Variants in CEP112 observed in about 807,000 individuals in gnomAD.
CEP112 encodes centrosomal protein 112, also known as centrosomal protein of 112 kDa.
CEP112 carries 127 observed loss-of-function variants against 153.0 expected under a neutral mutation model. The observed-to-expected ratio is 0.83, with a 90% CI of 0.72 to 0.96. The LOEUF (loss-of-function observed/expected upper bound fraction) is 0.96. Ranked by LOEUF, CEP112 falls within the 40% of genes least tolerant of loss-of-function variation. CEP112 has a pLI of 0.00. For missense variants in CEP112, 1,089 were observed against 1,101.2 expected (o/e 0.99, Z 0.16); for synonymous variants, 358 against 374.4 (o/e 0.96, Z 0.51).
intron 21 of CEP112, among the ~76,000 whole-genome samples, chr17:65,812,159 A>G (rs1319380598): frequency 6.6e-6 from 1 of 151,826 alleles, no homozygotes; most frequent in African/African-American, 2.4e-5. Context: ...GCCCGCCACC[A>G]CGCCTGGATA....
intron 22 of CEP112, among the ~76,000 whole-genome samples, chr17:65,747,684 G>T (rs1371483101): frequency 1.3e-5 from 2 of 152,136 alleles, no homozygotes; most frequent in African/African-American, 4.8e-5. Context: ...TGATGGAAAT[G>T]ATATTTGGGG....
At chr17:66,002,568 G>A (rs1333333473) in intron 17 of CEP112, among the ~76,000 whole-genome samples, 1 of 152,098 alleles carries the variant, frequency 6.6e-6, no homozygotes, top group Non-Finnish European at 1.5e-5. Context: ...CAAAATCCCA[G>A]GATAATTTAT....
intron 23 of CEP112, among the ~76,000 whole-genome samples, chr17:65,716,314 G>A (rs953526513): frequency 3.3e-5 from 5 of 152,050 alleles, no homozygotes; most frequent in Non-Finnish European, 4.4e-5. Flanking sequence ...CCGCCACCAT[G>A]CCAGGCTAAT....
chr17:65,911,826 AT>A (rs1392667946), intron 19 of CEP112, among the ~76,000 whole-genome samples: 1 of 152,158 alleles, frequency 6.6e-6, no homozygotes, highest in Admixed American at 6.5e-5. Flanking sequence ...TTATCCTTCT[AT>A]TTATCAATCT....
At chr17:65,691,241 G>A (rs952865562) in intron 23 of CEP112, among the ~76,000 whole-genome samples, 12 of 152,118 alleles carry the variant, frequency 7.9e-5, no homozygotes, top group Non-Finnish European at 1.3e-4. Context: ...GTGGAGACAC[G>A]AGTTCAGACA....
intron 20 of CEP112, among the ~76,000 whole-genome samples, chr17:65,852,321 T>G (rs2057976208): frequency 1.3e-5 from 1 of 76,674 alleles, no homozygotes. Context: ...TTCCCTTTCC[T>G]TCCCTTTCCT....
intron 16 of CEP112, among the ~76,000 whole-genome samples, chr17:66,011,352 G>A (rs1227919495): frequency 1.3e-5 from 2 of 152,028 alleles, no homozygotes. Context: ...TTTCTGATAT[G>A]AGTGCTAAGC....
Position 66,028,184 on chromosome 17 carries a change from C to T in CEP112, c.1596+129G>A, listed in dbSNP as rs186318821. The T allele has an allele frequency of 1.2e-3, 683 of 584,642 alleles. 7 individuals are homozygous for T. The highest frequency in any genetic ancestry group is 8.7e-3 in the South Asian group (366 of 42,018). The allele number at this position is 584,642 out of a possible 1,614,324, so 36.2% of individuals were successfully genotyped here. Reference sequence around the variant, plus strand: ...AAATAAAATGTAAAATTATACAATGCGATAAAAGAATCAGAAAAGATGACC... The same window carrying T: ...AAATAAAATGTAAAATTATACAATGTGATAAAAGAATCAGAAAAGATGACC... On this transcript the variant is annotated intron_variant, in intron 15 of 26. Transcript: ENST00000535342.
intron 24 of CEP112, among the ~76,000 whole-genome samples, chr17:65,677,964 A>T (rs1314270784): frequency 2.0e-5 from 3 of 152,192 alleles, no homozygotes; most frequent in Non-Finnish European, 4.4e-5. Flanking sequence ...TTGTTTGCCA[A>T]TAAACAATTG....
intron 17 of CEP112, among the ~76,000 whole-genome samples, chr17:65,973,251 A>G (rs893492350): frequency 6.6e-6 from 1 of 152,246 alleles, no homozygotes; most frequent in Admixed American, 6.5e-5. Context: ...AATACTGTAA[A>G]CACAGTAGAC....
chr17:66,008,806 C>A (rs2064383849), intron 16 of CEP112, among the ~76,000 whole-genome samples: 1 of 152,126 alleles, frequency 6.6e-6, no homozygotes, highest in African/African-American at 2.4e-5. Context: ...TCCTCCAGGA[C>A]CTTCCATGTT....
intron 21 of CEP112, among the ~76,000 whole-genome samples, chr17:65,785,006 C>A (rs1284871659): frequency 1.3e-5 from 2 of 152,196 alleles, no homozygotes; most frequent in Non-Finnish European, 2.9e-5. Flanking sequence ...CTTTGAGCCA[C>A]TGGCAACCAC....
intron 18 of CEP112, among the ~76,000 whole-genome samples, chr17:65,953,476 C>T (rs1028106627): frequency 1.3e-5 from 2 of 152,234 alleles, no homozygotes; most frequent in Non-Finnish European, 2.9e-5. Flanking sequence ...AACTGGATCA[C>T]ATCACTGCTG....
chr17:65,779,503 G>T (rs1230068517), intron 21 of CEP112, among the ~76,000 whole-genome samples: 2 of 152,134 alleles, frequency 1.3e-5, no homozygotes, highest in African/African-American at 4.8e-5. Flanking sequence ...ATCATCACAG[G>T]AAAGGGTACT....
intron 17 of CEP112, among the ~76,000 whole-genome samples, chr17:65,986,023 A>G (rs1002928217): frequency 1.3e-5 from 2 of 152,148 alleles, no homozygotes; most frequent in Non-Finnish European, 2.9e-5. Context: ...TGTAAAGAGA[A>G]TTGAAGTAAT....
intron 8 of CEP112, among the ~76,000 whole-genome samples, chr17:66,088,683 G>A (rs1479621333): frequency 2.0e-5 from 3 of 152,130 alleles, no homozygotes; most frequent in Non-Finnish European, 2.9e-5. Flanking sequence ...AACCCCTGTG[G>A]TCCCATACAC....
At chr17:66,138,577 T>C (rs1334448731) in intron 4 of CEP112, among the ~76,000 whole-genome samples, 2 of 152,116 alleles carry the variant, frequency 1.3e-5, no homozygotes, top group Non-Finnish European at 2.9e-5. Context: ...ACAAAGTGTG[T>C]GAGTAAAAGT....
chr17:66,162,353 G>C (rs1336788527), intron 4 of CEP112, among the ~76,000 whole-genome samples: 1 of 152,194 alleles, frequency 6.6e-6, no homozygotes, highest in East Asian at 1.9e-4. Context: ...AGAGCCATGG[G>C]AACTTTCAAT....
intron 24 of CEP112, among the ~76,000 whole-genome samples, chr17:65,662,257 C>T (rs146079764): frequency 6.6e-6 from 1 of 152,276 alleles, no homozygotes; most frequent in Non-Finnish European, 1.5e-5. Flanking sequence ...GAAACACTTA[C>T]ATAAGAATAT....
Sources: allele counts gnomAD v4.1 joint callset (sites outside exome capture counted in the v4.1 genomes callset), GRCh38; gene constraint gnomAD v4.1.1; transcripts MANE v1.5; gene names NCBI Gene and HGNC (gene_info 2026-07-23, HGNC 2026-07-21).